The following KIAA1671 variants were observed in gnomAD, a reference collection of about 807,000 sequenced individuals.
The protein encoded by KIAA1671 is uncharacterized protein KIAA1671.
In KIAA1671, 52 loss-of-function variants were observed where a neutral mutation model predicts 131.2. The observed-to-expected ratio is 0.40, with a 90% CI of 0.32 to 0.50. The LOEUF (loss-of-function observed/expected upper bound fraction) is 0.50, where lower values mean the gene tolerates loss of function less well. Among genes scored for constraint, KIAA1671 ranks in the 20% least tolerant of loss-of-function variants. KIAA1671 has a pLI of 0.73. For missense variants in KIAA1671, 2,360 were observed against 2,364.2 expected, an observed-to-expected ratio of 1.00 and a Z score of 0.04; for synonymous variants, 1,003 against 961.6, an observed-to-expected ratio of 1.04 and a Z score of -0.80.
chr22:25,063,566 TG>T (rs56304861), intron 6 of KIAA1671: 34,281 of 151,894 alleles, frequency 0.23, 3,912 homozygotes, highest in Middle Eastern at 0.28. Flanking sequence ...GGGGGAAGGT[TG>T]GGAGGTGGGT....
intron 6 of KIAA1671, among the ~76,000 whole-genome samples, chr22:25,124,798 C>T (rs1932102427): frequency 6.6e-6 from 1 of 152,168 alleles, no homozygotes; most frequent in Admixed American, 6.5e-5. Context: ...ACTCTGTTAC[C>T]CAGGCTGGAG....
chr22:25,054,776 G>A (rs1927752062), intron 6 of KIAA1671: 1 of 149,616 alleles, frequency 6.7e-6, no homozygotes, highest in Non-Finnish European at 1.5e-5. Context: ...CACTTGGGGA[G>A]GGCTAGCTGA....
intron 6 of KIAA1671, among the ~76,000 whole-genome samples, chr22:25,091,627 AC>A (rs1930034251): frequency 6.6e-6 from 1 of 152,214 alleles, no homozygotes; most frequent in African/African-American, 2.4e-5. Flanking sequence ...GCGAGGCGGA[AC>A]TGCGCTTGAA....
intron 6 of KIAA1671, among the ~76,000 whole-genome samples, chr22:25,133,837 C>T (rs1313223953): frequency 1.3e-5 from 2 of 152,174 alleles, no homozygotes; most frequent in Non-Finnish European, 2.9e-5. Context: ...TGCGAGCCAC[C>T]GCATCCTGCC....
At chr22:25,176,363 G>A (rs1934027380) in intron 8 of KIAA1671, 1 of 152,194 alleles carries the variant, frequency 6.6e-6, no homozygotes, top group South Asian at 2.1e-4. Context: ...CTTGGGTGAT[G>A]GAATTTCTCC....
rs935414324 is a variant in KIAA1671, at chr22:25,028,709, G to A, written c.710G>A (p.Arg237His). 128 of 1,551,086 alleles carry A rather than the reference G, an allele frequency of 8.3e-5. No homozygotes were observed. Among genetic ancestry groups the A allele is most frequent in the South Asian group, 2.6e-4 (22 of 84,068 alleles). ...CGCCCCCTTGTGGAGCCCAGGCCTCGCCTGAAGAGAAGGCCCGTGTCTGCC... is the reference window on the plus strand; with the variant it reads ...CGCCCCCTTGTGGAGCCCAGGCCTCACCTGAAGAGAAGGCCCGTGTCTGCC... Reference protein sequence around the residue: ...TARPLVEPRPRLKRRPVSAIF... With the variant: ...TARPLVEPRPHLKRRPVSAIF... Residue 237 changes from arginine to histidine, a missense_variant, in exon 3 of 13, where the codon CGC becomes CAC. Arg to His is a conservative substitution (Grantham distance 29). This residue lies in a region of KIAA1671 where 1,185 missense variants were observed against 1,126.2 expected (regional missense o/e 1.05). Transcript: ENST00000358431.
At position 25,028,290 on chromosome 22, in the gene KIAA1671, C is replaced by T. The variant is rs1403754937; in HGVS notation, c.291C>T (p.Leu97=). ...SSTGPSPSGG[L]SEEPAAKDLD... ...CTGGACCTTCCCCCTCTGGGGGGCT[C>T]TCTGAGGAGCCAGCAGCAAAGGATC... The change falls in exon 3 of 13, where the codon CTC becomes CTT. Residue 97 remains leucine, a synonymous_variant. Transcript: ENST00000358431. 1 of 1,551,222 alleles carries T rather than the reference C, an allele frequency of 6.4e-7. No homozygotes were observed. Among genetic ancestry groups the T allele is most frequent in the Non-Finnish European group, 8.7e-7 (1 of 1,146,908 alleles).
chr22:25,131,604 T>C (rs1182160294), intron 6 of KIAA1671, among the ~76,000 whole-genome samples: 1 of 152,216 alleles, frequency 6.6e-6, no homozygotes, highest in East Asian at 1.9e-4. Flanking sequence ...CATTCAACAC[T>C]GGGGGCCACC....
Position 25,028,136 on chromosome 22 carries a change from G to C in KIAA1671, c.137G>C (p.Arg46Pro), listed in dbSNP as rs1315625221. The C allele has an allele frequency of 7.1e-6, 11 of 1,551,020 alleles. No individual in the cohort carries two copies. Among genetic ancestry groups the C allele is most frequent in the Admixed American group, 2.0e-5 (1 of 50,964 alleles). Reference protein sequence around the residue: ...AGEASGAPPARILEAKSPLRS... With the variant: ...AGEASGAPPAPILEAKSPLRS... ...GAAGCCTCTGGGGCTCCCCCAGCCCGGATCTTGGAAGCGAAGAGCCCCCTG... is the reference window on the plus strand; with the variant it reads ...GAAGCCTCTGGGGCTCCCCCAGCCCCGATCTTGGAAGCGAAGAGCCCCCTG... The change falls in exon 3 of 13, where the codon CGG becomes CCG. Residue 46 changes from arginine to proline, a missense_variant. By Grantham distance (103) the Arg-to-Pro change is moderately radical (BLOSUM62 -2). Coordinates refer to ENST00000358431, the MANE Select transcript of KIAA1671 (RefSeq NM_001145206.2).
At chr22:25,160,357 C>T (rs1356604682) in intron 6 of KIAA1671, among the ~76,000 whole-genome samples, 1 of 152,164 alleles carries the variant, frequency 6.6e-6, no homozygotes, top group African/African-American at 2.4e-5. Flanking sequence ...ATCCAGCCCC[C>T]TCATTCAGAG....
At chr22:25,084,853 G>T (rs1313300656) in intron 6 of KIAA1671, among the ~76,000 whole-genome samples, 2 of 152,228 alleles carry the variant, frequency 1.3e-5, no homozygotes, top group African/African-American at 4.8e-5. Flanking sequence ...CAAAAACCAG[G>T]CTTCCCTGGG....
intron 1 of KIAA1671, among the ~76,000 whole-genome samples, chr22:25,009,529 T>C (rs1183176496): frequency 1.3e-5 from 2 of 151,316 alleles, no homozygotes; most frequent in Admixed American, 1.3e-4. Context: ...CCTCCCAAAG[T>C]GCTAGGATTA....
intron 6 of KIAA1671, among the ~76,000 whole-genome samples, chr22:25,132,036 A>G (rs995229405): frequency 1.3e-5 from 2 of 152,224 alleles, no homozygotes; most frequent in African/African-American, 4.8e-5. Flanking sequence ...GGAGATGTTT[A>G]TGAGTGCTGT....
Position 25,041,437 on chromosome 22 carries a change from C to G in KIAA1671, c.4307C>G (p.Pro1436Arg). 6.4e-7 allele frequency: 1 copy of G among 1,551,728 alleles called. No homozygotes were observed. ...GCCAGAGAGAGGAGGCGAGAGCAGC[C>G]CAAAGGGAGGCCCAGCCTTACTGGA... ...HEARERRREQ[P>R]KGRPSLTGEN... Residue 1436 changes from proline (P) to arginine (R), a missense_variant, in exon 5 of 13, where the codon CCC becomes CGC. Pro to Arg is a moderately radical substitution (Grantham distance 103, BLOSUM62 -2). This residue lies in a region of KIAA1671 where 1,161 missense variants were observed against 1,204.7 expected (regional missense o/e 0.96). Coordinates refer to ENST00000358431, the MANE Select transcript of KIAA1671 (RefSeq NM_001145206.2).
chr22:25,019,684 CAA>C (rs113527162), intron 1 of KIAA1671, among the ~76,000 whole-genome samples: 3,184 of 145,998 alleles, frequency 0.022, 53 homozygotes, highest in Non-Finnish European at 0.033. Context: ...ACCTTGAATA[CAA>C]AAAAAAAAAA....
At chr22:25,131,735 T>C (rs1213647032) in intron 6 of KIAA1671, among the ~76,000 whole-genome samples, 2 of 152,244 alleles carry the variant, frequency 1.3e-5, no homozygotes, top group Non-Finnish European at 2.9e-5. Flanking sequence ...AACAGGGTGA[T>C]GCCATCCTTC....
chr22:25,183,460 CCCTCTCTTCCTT>C lies in KIAA1671; in HGVS notation c.5200-1513_5200-1502del, dbSNP rs1199579207. 3.4e-5 allele frequency among the ~76,000 whole-genome samples: 3 copies of C among 88,134 alleles called. No homozygotes were observed. The East Asian group carries it at 1.5e-3, about 43-fold the overall frequency. 57.8% of individuals were successfully genotyped at this position (88,134 alleles called of 152,430 possible). On this transcript the variant is annotated intron_variant, in intron 10 of 12. Coordinates refer to ENST00000358431, the MANE Select transcript of KIAA1671 (RefSeq NM_001145206.2). ...TCCCTCCCTCCCTCCCTCCCTCCCT[CCCTCTCTTCCTT>C]CCTTCCTTTCTCTTTCTCCTTCCTT...
At chr22:25,116,722 C>T (rs1478901520) in intron 6 of KIAA1671, among the ~76,000 whole-genome samples, 1 of 152,118 alleles carries the variant, frequency 6.6e-6, no homozygotes, top group Non-Finnish European at 1.5e-5. Context: ...CACCTGGCCC[C>T]CTCAGTCAGT....
intron 1 of KIAA1671, among the ~76,000 whole-genome samples, chr22:24,973,290 G>T (rs1602036207): frequency 6.6e-6 from 1 of 152,258 alleles, no homozygotes; most frequent in East Asian, 1.9e-4. Flanking sequence ...CTGTGCAGGT[G>T]GGGAGGGTGG....
Sources: gnomAD v4.1 joint callset for allele counts (sites outside exome capture counted in the v4.1 genomes callset) on GRCh38, gnomAD v4.1.1 for gene constraint, gnomAD v4.1.1 regional missense constraint, MANE v1.5 for transcripts, NCBI Gene and HGNC (gene_info 2026-07-23, HGNC 2026-07-21) for gene names.